SOX5: variants seen among roughly 807,000 people sequenced by gnomAD.
SOX5 encodes transcription factor SOX-5.
SOX5 carries 9 observed loss-of-function variants against 92.0 expected under a neutral mutation model. The observed-to-expected ratio is 0.10, with a 90% CI of 0.06 to 0.17. The LOEUF (loss-of-function observed/expected upper bound fraction) is 0.17, where lower values mean the gene tolerates loss of function less well. SOX5 is among the 10% of genes least tolerant of loss of function. The pLI is 1.00. For synonymous variants in SOX5, 344 were observed against 336.3 expected, an observed-to-expected ratio of 1.02 and a Z score of -0.25; for missense variants, 642 against 944.5, an observed-to-expected ratio of 0.68 and a Z score of 4.20.
chr12:23,969,876 A>C (rs532057400), intron 4 of SOX5, among the ~76,000 whole-genome samples: 1 of 152,322 alleles, frequency 6.6e-6, no homozygotes, highest in East Asian at 1.9e-4. Context: ...TTGGTTTACT[A>C]CCAAACCAGC....
chr12:24,216,439 A>G (rs1959172635), intron 3 of SOX5, among the ~76,000 whole-genome samples: 1 of 151,982 alleles, frequency 6.6e-6, no homozygotes, highest in African/African-American at 2.4e-5. Flanking sequence ...AGCCGAGGTC[A>G]CGCCACCGCA....
At chr12:24,033,646 C>T (rs1325765041) in intron 4 of SOX5, among the ~76,000 whole-genome samples, 1 of 151,974 alleles carries the variant, frequency 6.6e-6, no homozygotes, top group East Asian at 1.9e-4. Context: ...GTGATTAACA[C>T]CTTCAGAAAC....
intron 3 of SOX5, among the ~76,000 whole-genome samples, chr12:24,237,519 G>C (rs1435109633): frequency 2.0e-5 from 3 of 151,124 alleles, no homozygotes; most frequent in African/African-American, 7.3e-5. Flanking sequence ...TTCTTCAAAA[G>C]TTTAATTTGT....
rs398018872 is a variant in SOX5, at chr12:24,148,688, T to TA, written c.-2+64654dup. Among the ~76,000 whole-genome samples, 480 of 70,918 alleles carry TA rather than the reference T, an allele frequency of 6.8e-3. 3 individuals carry two copies. Among genetic ancestry groups the TA allele is most frequent in the African/African-American group, 0.013 (148 of 11,606 alleles). The allele number at this position is 70,918 out of a possible 152,430, so 46.5% of individuals were successfully genotyped here. A position where few individuals can be genotyped will look rare whatever the true frequency, so the allele number is the denominator to read the frequency against. ...AACATAGTGAGACCCCCATCTCTAC[T>TA]AAAAAAAAAAAAAAAAAAAAAAAAA... On this transcript the variant is annotated intron_variant, in intron 4 of 4. Coordinates refer to the SOX5 transcript ENST00000446891.
intron 4 of SOX5, among the ~76,000 whole-genome samples, chr12:24,192,315 A>G (rs11047306): frequency 0.24 from 37,155 of 152,108 alleles, 5,785 homozygotes; most frequent in African/African-American, 0.44. Context: ...TTTGAATTTC[A>G]TTTTATCATT....
chr12:24,146,182 A>G (rs112603684), intron 4 of SOX5, among the ~76,000 whole-genome samples: 2,044 of 152,234 alleles, frequency 0.013, 51 homozygotes, highest in African/African-American at 0.047. Context: ...GTAGCAGCAT[A>G]TATTTTTTTT....
In SOX5 at chr12:23,695,864, C is replaced by A. The variant is rs1489774354; in HGVS notation, c.811-30300G>T. ...GCTGAGGCAGGAGAATGGCGTGAAC[C>A]TGGGAGGCAGAGCTTGCAGTGAGCC... On this transcript the variant is annotated intron_variant, in intron 6 of 14. Coordinates refer to ENST00000451604, the MANE Select transcript of SOX5 (RefSeq NM_006940.6). Among the ~76,000 whole-genome samples, 6 of 134,804 alleles carry A rather than the reference C, an allele frequency of 4.5e-5. No individual in the cohort carries two copies. In the Admixed American group the frequency reaches 5.2e-4, roughly 12 times the overall value. 88.4% of individuals were successfully genotyped at this position (134,804 alleles called of 152,430 possible). A position where few individuals can be genotyped will look rare whatever the true frequency, so the allele number is the denominator to read the frequency against.
chr12:24,290,639 C>A (rs973542165), intron 2 of SOX5, among the ~76,000 whole-genome samples: 1 of 152,138 alleles, frequency 6.6e-6, no homozygotes, highest in Non-Finnish European at 1.5e-5. Flanking sequence ...CTCCCCACCA[C>A]CCCCCTCTCC....
intron 4 of SOX5, among the ~76,000 whole-genome samples, chr12:24,089,092 G>C (rs968998973): frequency 2.0e-5 from 3 of 151,940 alleles, no homozygotes; most frequent in African/African-American, 7.2e-5. Flanking sequence ...ATCCAAAGTC[G>C]GTAATATCTC....
At chr12:24,461,810 T>C (rs899135830) in intron 1 of SOX5, among the ~76,000 whole-genome samples, 1 of 152,242 alleles carries the variant, frequency 6.6e-6, no homozygotes, top group Non-Finnish European at 1.5e-5. Flanking sequence ...AAGTTTATAA[T>C]AACTACAAAT....
chr12:24,159,654 C>G (rs1952548780), intron 4 of SOX5, among the ~76,000 whole-genome samples: 1 of 151,932 alleles, frequency 6.6e-6, no homozygotes, highest in South Asian at 2.1e-4. Flanking sequence ...TAGAAGATAG[C>G]ATATGATAAA....
chr12:24,270,613 C>T (rs1445126869), intron 3 of SOX5, among the ~76,000 whole-genome samples: 1 of 152,224 alleles, frequency 6.6e-6, no homozygotes, highest in African/African-American at 2.4e-5. Flanking sequence ...CAGGTCATTA[C>T]TGGCACTCTC....
intron 11 of SOX5, among the ~76,000 whole-genome samples, chr12:23,557,444 A>G (rs577581716): frequency 4.6e-5 from 7 of 152,216 alleles, no homozygotes; most frequent in Non-Finnish European, 1.0e-4. Context: ...CACTGTAGGC[A>G]ATTAATGTTC....
chr12:23,957,537 T>A (rs1263566507), intron 4 of SOX5, among the ~76,000 whole-genome samples: 2 of 152,172 alleles, frequency 1.3e-5, no homozygotes, highest in African/African-American at 4.8e-5. Context: ...TTTCAAAATA[T>A]CAAATGACAA....
intron 6 of SOX5, among the ~76,000 whole-genome samples, chr12:23,670,484 C>A (rs2084588288): frequency 6.6e-6 from 1 of 151,952 alleles, no homozygotes; most frequent in African/African-American, 2.4e-5. Flanking sequence ...TGGAGAGTTT[C>A]AAATGTAGGA....
chr12:23,672,770 T>C (rs1184479487), intron 6 of SOX5, among the ~76,000 whole-genome samples: 2 of 152,142 alleles, frequency 1.3e-5, no homozygotes, highest in Non-Finnish European at 2.9e-5. Context: ...TTGTTGGCAA[T>C]ATTACTAGGA....
At chr12:24,088,863 A>G (rs1311447587) in intron 4 of SOX5, among the ~76,000 whole-genome samples, 1 of 152,104 alleles carries the variant, frequency 6.6e-6, no homozygotes, top group South Asian at 2.1e-4. Context: ...GTATGATTTT[A>G]AAAGTGCCTT....
chr12:23,639,189 C>A (rs1645846475), intron 8 of SOX5, among the ~76,000 whole-genome samples: 1 of 151,900 alleles, frequency 6.6e-6, no homozygotes, highest in Admixed American at 6.6e-5. Flanking sequence ...TATTTAATAT[C>A]TTGAGATAAT....
chr12:24,340,054 G>A (rs1952402550), intron 2 of SOX5, among the ~76,000 whole-genome samples: 1 of 152,170 alleles, frequency 6.6e-6, no homozygotes, highest in Non-Finnish European at 1.5e-5. Context: ...GAAGAGTCTT[G>A]CAGGCCACCA....
Sources: gnomAD v4.1 joint callset for allele counts (sites outside exome capture counted in the v4.1 genomes callset) on GRCh38, gnomAD v4.1.1 for gene constraint, MANE v1.5 for transcripts, NCBI Gene and HGNC (gene_info 2026-07-23, HGNC 2026-07-21) for gene names.